CHCHD3: variants seen among roughly 807,000 people sequenced by gnomAD.
CHCHD3 encodes MICOS complex subunit MIC19.
Under a neutral mutation model 38.2 loss-of-function variants are expected in CHCHD3, and 20 were observed. The observed-to-expected ratio is 0.52, with a 90% CI of 0.37 to 0.76. The LOEUF (loss-of-function observed/expected upper bound fraction) is 0.76. Among genes scored for constraint, CHCHD3 ranks in the 30% least tolerant of loss-of-function variants. The probability of loss-of-function intolerance (pLI) is 0.00; values close to 1 mark genes in which losing one functional copy is unlikely to be tolerated. For missense variants in CHCHD3, 245 were observed against 279.2 expected (o/e 0.88, Z 0.87); for synonymous variants, 82 against 100.0 (o/e 0.82, Z 1.07).
intron 3 of CHCHD3, among the ~76,000 whole-genome samples, chr7:132,988,695 C>T (rs1024091763): frequency 1.3e-5 from 2 of 152,036 alleles, no homozygotes; most frequent in Admixed American, 6.6e-5. Flanking sequence ...GGGAGGATCA[C>T]TTGAAGCCAG....
intron 3 of CHCHD3, among the ~76,000 whole-genome samples, chr7:133,008,984 A>C (rs1812784494): frequency 6.8e-6 from 1 of 147,768 alleles, no homozygotes; most frequent in African/African-American, 2.5e-5. Context: ...AAAAAAAAAA[A>C]CAACAACAAC....
chr7:132,923,647 T>C (rs770660447), intron 4 of CHCHD3, among the ~76,000 whole-genome samples: 1 of 152,114 alleles, frequency 6.6e-6, no homozygotes, highest in Non-Finnish European at 1.5e-5. Context: ...TATAAAATAG[T>C]ACAACAAATC....
At chr7:132,985,135 G>A (rs1215050973) in intron 3 of CHCHD3, among the ~76,000 whole-genome samples, 3 of 79,734 alleles carry the variant, frequency 3.8e-5, no homozygotes, top group African/African-American at 9.7e-5. Context: ...GCCTCTGCCC[G>A]GCCGCCCCTA....
chr7:133,024,697 A>T, intron 2 of CHCHD3, 70 bp from the exon 3 acceptor site: 1 of 1,164,678 alleles, frequency 8.6e-7, no homozygotes, highest in Non-Finnish European at 1.3e-6. Context: ...GAAAATACTC[A>T]GGAAAGCCCG....
At chr7:132,917,858 C>CAAAAAAA (rs33977058) in intron 4 of CHCHD3, among the ~76,000 whole-genome samples, 3 of 93,002 alleles carry the variant, frequency 3.2e-5, no homozygotes, top group African/African-American at 9.3e-5. Context: ...GACTCCATCT[C>CAAAAAAA]AAAAAAAAAA....
intron 6 of CHCHD3, among the ~76,000 whole-genome samples, chr7:132,831,439 G>A (rs557014448): frequency 2.0e-5 from 3 of 152,256 alleles, no homozygotes; most frequent in East Asian, 3.9e-4. Flanking sequence ...ACATCAATAC[G>A]TGTTAGAGAA....
intron 5 of CHCHD3, among the ~76,000 whole-genome samples, chr7:132,882,529 GTCTA>G (rs1809093558): frequency 6.7e-6 from 1 of 149,790 alleles, no homozygotes; most frequent in Non-Finnish European, 1.5e-5. Context: ...ATCATATCGT[GTCTA>G]TCTAATCTTC....
chr7:133,046,765 G>A (rs1490043047), intron 2 of CHCHD3, among the ~76,000 whole-genome samples: 2 of 152,066 alleles, frequency 1.3e-5, no homozygotes, highest in Admixed American at 6.6e-5. Flanking sequence ...GGGTTTCACC[G>A]TGTTAGCCAG....
chr7:132,908,846 T>C (rs897913814), intron 4 of CHCHD3, among the ~76,000 whole-genome samples: 3 of 152,240 alleles, frequency 2.0e-5, no homozygotes, highest in Non-Finnish European at 4.4e-5. Flanking sequence ...ATATTTGTTA[T>C]ATCATTTAAT....
At chr7:132,963,628 C>CAA (rs11295074) in intron 4 of CHCHD3, among the ~76,000 whole-genome samples, 2 of 128,222 alleles carry the variant, frequency 1.6e-5, no homozygotes, top group African/African-American at 2.8e-5. Context: ...GACTCCATCT[C>CAA]AAAAAAAAAA....
chr7:133,022,856 G>GAAGA (rs1813229116), intron 3 of CHCHD3, among the ~76,000 whole-genome samples: 1 of 92,012 alleles, frequency 1.1e-5, no homozygotes, highest in African/African-American at 4.2e-5. Context: ...TGAAGAAGAA[G>GAAGA]AAAAAAAAAA....
chr7:133,048,873 C>T (rs1034568478), intron 2 of CHCHD3, among the ~76,000 whole-genome samples: 1 of 152,146 alleles, frequency 6.6e-6, no homozygotes, highest in Non-Finnish European at 1.5e-5. Context: ...TGCAAGTTTC[C>T]GCCAAGAGAA....
intron 4 of CHCHD3, among the ~76,000 whole-genome samples, chr7:132,918,163 G>C (rs1254289606): frequency 6.6e-6 from 1 of 152,154 alleles, no homozygotes; most frequent in Non-Finnish European, 1.5e-5. Flanking sequence ...ACCTACCACT[G>C]TATTCAAAAA....
At chr7:132,815,113 T>C (rs973400852) in intron 6 of CHCHD3, among the ~76,000 whole-genome samples, 33 of 152,252 alleles carry the variant, frequency 2.2e-4, no homozygotes, top group African/African-American at 7.5e-4. Flanking sequence ...TTCAACGTGA[T>C]GGCAAATCAA....
chr7:132,890,765 C>T (rs1809340606), intron 4 of CHCHD3, among the ~76,000 whole-genome samples: 2 of 152,162 alleles, frequency 1.3e-5, no homozygotes, highest in African/African-American at 4.8e-5. Context: ...ACAATATAAA[C>T]AGGACATCCC....
chr7:132,807,797 G>A (rs1461829315), intron 6 of CHCHD3, among the ~76,000 whole-genome samples: 1 of 151,174 alleles, frequency 6.6e-6, no homozygotes, highest in African/African-American at 2.4e-5. Context: ...ATTGACTTTT[G>A]CATATAATAT....
intron 2 of CHCHD3, among the ~76,000 whole-genome samples, chr7:133,031,522 C>T (rs1319881518): frequency 6.6e-6 from 1 of 151,918 alleles, no homozygotes; most frequent in Admixed American, 6.6e-5. Flanking sequence ...ATAATCCTTA[C>T]ACTATAATTC....
chr7:132,796,027 G>T lies in CHCHD3; in HGVS notation c.660+415C>A, dbSNP rs1345102673. On this transcript the variant is annotated intron_variant, in intron 7 of 7. Coordinates refer to ENST00000262570, the MANE Select transcript of CHCHD3 (RefSeq NM_017812.4). ...GACAGTGACTGAACGGTGGTGTTTT[G>T]TTTTTTTTTTAACCTGGCCCTCTGC... Among the ~76,000 whole-genome samples, 6 of 148,776 alleles carry T rather than the reference G, an allele frequency of 4.0e-5. No individual in the cohort carries two copies. The East Asian group carries it at 5.9e-4, about 15-fold the overall frequency.
chr7:132,786,969 G>A (rs1047236961), intron 7 of CHCHD3, among the ~76,000 whole-genome samples: 1 of 152,188 alleles, frequency 6.6e-6, no homozygotes, highest in Non-Finnish European at 1.5e-5. Context: ...GCCTGGTGCA[G>A]AGGGCAACCC....
Sources: gnomAD v4.1 joint callset for allele counts (sites outside exome capture counted in the v4.1 genomes callset) on GRCh38, gnomAD v4.1.1 for gene constraint, MANE v1.5 for transcripts, NCBI Gene and HGNC (gene_info 2026-07-23, HGNC 2026-07-21) for gene names.